The following SESN1 variants were observed in gnomAD, a reference collection of about 807,000 sequenced individuals.
The protein encoded by SESN1 is sestrin-1.
SESN1 carries 30 observed loss-of-function variants against 59.3 expected under a neutral mutation model. That is an observed-to-expected ratio of 0.51 (90% confidence interval 0.38 to 0.69). SESN1 has a LOEUF of 0.69. SESN1 is among the 30% of genes least tolerant of loss of function. SESN1 has a pLI of 0.00. For synonymous variants in SESN1, 197 were observed against 219.9 expected (o/e 0.90, Z 0.92); for missense variants, 566 against 673.0 (o/e 0.84, Z 1.76).
chr6:109,059,211 T>C (rs1780690351), intron 1 of SESN1, among the ~76,000 whole-genome samples: 1 of 152,158 alleles, frequency 6.6e-6, no homozygotes, highest in Admixed American at 6.5e-5. Flanking sequence ...CTTTGAGATG[T>C]AAAAAACAGT....
chr6:109,047,174 G>A (rs1287274342), intron 1 of SESN1, among the ~76,000 whole-genome samples: 8 of 50,882 alleles, frequency 1.6e-4, no homozygotes, highest in African/African-American at 5.2e-4. Context: ...AGGTGGGGGG[G>A]TCAGCCCCCC....
At chr6:109,085,021 C>T (rs1463064333) in intron 1 of SESN1, among the ~76,000 whole-genome samples, 8 of 150,486 alleles carry the variant, frequency 5.3e-5, no homozygotes, top group African/African-American at 2.0e-4. Context: ...GCGAAAAACG[C>T]ACTTTTAAAA....
At chr6:108,997,002 G>T (rs1779512798) in intron 5 of SESN1, among the ~76,000 whole-genome samples, 1 of 143,310 alleles carries the variant, frequency 7.0e-6, no homozygotes, top group Admixed American at 6.9e-5. Flanking sequence ...TATGGAGAGA[G>T]TAAAGAAATG....
At chr6:108,991,698 C>T (rs940417519) in intron 7 of SESN1, among the ~76,000 whole-genome samples, 3 of 152,166 alleles carry the variant, frequency 2.0e-5, no homozygotes, top group Non-Finnish European at 2.9e-5. Flanking sequence ...ACTTAATAAG[C>T]CCCTACTTCT....
In SESN1 at chr6:108,991,082, C is replaced by CAAAA. The variant is rs899401495; in HGVS notation, c.1234-251_1234-248dup. On this transcript the variant is annotated intron_variant, in intron 7 of 9. Coordinates refer to ENST00000436639, the MANE Select transcript of SESN1 (RefSeq NM_014454.3). ...GTCTCATCTCAAAAAAAAACAACAA[C>CAAAA]AAAAAAAAACTAATAGTCTCTTCCC... Among the ~76,000 whole-genome samples, 375 of 149,804 alleles carry CAAAA rather than the reference C, an allele frequency of 2.5e-3. 2 individuals carry two copies. Among genetic ancestry groups the CAAAA allele is most frequent in the African/African-American group, 8.8e-3 (362 of 40,942 alleles).
At chr6:109,049,734 T>C (rs1297748442) in intron 1 of SESN1, among the ~76,000 whole-genome samples, 2 of 150,202 alleles carry the variant, frequency 1.3e-5, no homozygotes, top group African/African-American at 4.9e-5. Flanking sequence ...TATTGATGTA[T>C]AATATATATT....
intron 1 of SESN1, among the ~76,000 whole-genome samples, chr6:109,086,334 AGAGT>A (rs1161696953): frequency 6.6e-6 from 1 of 152,214 alleles, no homozygotes; most frequent in Non-Finnish European, 1.5e-5. Context: ...CCTGGGCAAC[AGAGT>A]GAGACTCCAT....
At chr6:109,006,622 T>G (rs1779738757) in intron 1 of SESN1, among the ~76,000 whole-genome samples, 1 of 152,298 alleles carries the variant, frequency 6.6e-6, no homozygotes, top group Middle Eastern at 3.4e-3. Context: ...TATTATTCTT[T>G]TGAGCCTCTT....
At chr6:109,087,537 C>T (rs1307926915) in intron 1 of SESN1, among the ~76,000 whole-genome samples, 2 of 151,820 alleles carry the variant, frequency 1.3e-5, no homozygotes, top group Non-Finnish European at 2.9e-5. Context: ...GAGTTCACAA[C>T]GTATCAATAA....
Position 108,987,386 on chromosome 6 carries a change from A to G in SESN1, c.*158T>C. On this transcript the variant is annotated 3_prime_UTR_variant, in exon 10 of 10. Coordinates refer to ENST00000436639, the MANE Select transcript of SESN1 (RefSeq NM_014454.3). Reference sequence around the variant, plus strand: ...CCAAACAGTCACTGCTTGTGCCAGCAGTGGTTTTCCACAGAAAAATAGCAG... The same window carrying G: ...CCAAACAGTCACTGCTTGTGCCAGCGGTGGTTTTCCACAGAAAAATAGCAG... The G allele has an allele frequency of 1.9e-6, 1 of 529,088 alleles. No homozygotes were observed. Among genetic ancestry groups the G allele is most frequent in the South Asian group, 2.9e-5 (1 of 34,468 alleles). 32.8% of individuals were successfully genotyped at this position (529,088 alleles called of 1,614,324 possible).
chr6:109,081,762 A>G (rs898689704), intron 1 of SESN1, among the ~76,000 whole-genome samples: 2 of 152,196 alleles, frequency 1.3e-5, no homozygotes, highest in Admixed American at 6.5e-5. Flanking sequence ...CACCTGCCAG[A>G]TATTACCAAG....
At chr6:109,051,801 T>C (rs1374970553) in intron 1 of SESN1, among the ~76,000 whole-genome samples, 1 of 152,206 alleles carries the variant, frequency 6.6e-6, no homozygotes, top group Admixed American at 6.5e-5. Flanking sequence ...TGGCATTTGG[T>C]CTGATAAGGG....
chr6:108,989,466 TAGAA>T (rs1779301964), intron 8 of SESN1, among the ~76,000 whole-genome samples: 1 of 146,182 alleles, frequency 6.8e-6, no homozygotes, highest in South Asian at 2.1e-4. Flanking sequence ...TCTAGAGATA[TAGAA>T]ATATCTGTAT....
chr6:109,050,252 C>A (rs1780519933), intron 1 of SESN1, among the ~76,000 whole-genome samples: 1 of 152,054 alleles, frequency 6.6e-6, no homozygotes, highest in Non-Finnish European at 1.5e-5. Flanking sequence ...AAAGACTGAC[C>A]AATTGTGCTA....
chr6:109,093,304 TATTATTTTATATAATTCTCTTCTTGA>T (rs1038310593), intron 1 of SESN1, among the ~76,000 whole-genome samples: 1 of 152,226 alleles, frequency 6.6e-6, no homozygotes, highest in African/African-American at 2.4e-5. Context: ...GATAGGTTTT[TATTATTTTATATAATTCTCTTCTTGA>T]AAAAAGAGAG....
intron 1 of SESN1, among the ~76,000 whole-genome samples, chr6:109,037,494 A>C (rs574515864): frequency 6.6e-6 from 1 of 152,334 alleles, no homozygotes; most frequent in East Asian, 1.9e-4. Flanking sequence ...CAATGCAATT[A>C]TTAATATATT....
intron 1 of SESN1, among the ~76,000 whole-genome samples, chr6:109,076,944 C>T (rs1377969987): frequency 6.6e-6 from 1 of 152,120 alleles, no homozygotes; most frequent in African/African-American, 2.4e-5. Context: ...TTTACACAAA[C>T]CTAGAGGGTA....
At chr6:109,020,729 A>G (rs1211379742) in intron 1 of SESN1, among the ~76,000 whole-genome samples, 1 of 152,226 alleles carries the variant, frequency 6.6e-6, no homozygotes, top group Non-Finnish European at 1.5e-5. Context: ...GATTTGCTCA[A>G]ACTGACAGAG....
At chr6:109,086,818 G>A (rs979390757) in intron 1 of SESN1, among the ~76,000 whole-genome samples, 2 of 151,972 alleles carry the variant, frequency 1.3e-5, no homozygotes, top group Admixed American at 1.3e-4. Flanking sequence ...AGGCCAATGG[G>A]GGCACTCCAA....
Sources: gnomAD v4.1 joint callset for allele counts (sites outside exome capture counted in the v4.1 genomes callset) on GRCh38, gnomAD v4.1.1 for gene constraint, MANE v1.5 for transcripts, NCBI Gene and HGNC (gene_info 2026-07-23, HGNC 2026-07-21) for gene names.